AFF3: variants seen among roughly 807,000 people sequenced by gnomAD.
The protein encoded by AFF3 is ALF transcription elongation factor 3.
AFF3 carries 32 observed loss-of-function variants against 129.7 expected under a neutral mutation model. That is an observed-to-expected ratio of 0.25 (90% CI 0.19 to 0.33). The LOEUF (loss-of-function observed/expected upper bound fraction) is 0.33, where lower values mean the gene tolerates loss of function less well. Among genes scored for constraint, AFF3 ranks in the 10% least tolerant of loss-of-function variants. The pLI, the probability that AFF3 is intolerant of heterozygous loss-of-function variation, is 1.00. For synonymous variants in AFF3, 644 were observed against 635.4 expected, an observed-to-expected ratio of 1.01 and a Z score of -0.20; for missense variants, 1,373 against 1,592.0, an observed-to-expected ratio of 0.86 and a Z score of 2.34.
intron 18 of AFF3, among the ~76,000 whole-genome samples, chr2:99,578,103 A>C (rs1343920194): frequency 1.3e-5 from 2 of 152,150 alleles, no homozygotes; most frequent in Non-Finnish European, 2.9e-5. Context: ...CCCCATTAGC[A>C]CTGATTATTC....
intron 11 of AFF3, among the ~76,000 whole-genome samples, chr2:99,694,302 G>A (rs545591982): frequency 6.6e-6 from 1 of 152,282 alleles, no homozygotes; most frequent in East Asian, 1.9e-4. Context: ...TCTGACTGAA[G>A]GGAAGACCCA....
rs988693629 is a variant in AFF3 at position 99,547,347 on chromosome 2, T to C, written c.*4127A>G. ...TTTATAAATTCCAATTTCACATGGATTAAAAACTGCAGATAAATTAAGTCA... is the reference window on the plus strand; with the variant it reads ...TTTATAAATTCCAATTTCACATGGACTAAAAACTGCAGATAAATTAAGTCA... On this transcript the variant is annotated 3_prime_UTR_variant, in exon 25 of 25. Coordinates refer to ENST00000672756, the MANE Select transcript of AFF3 (RefSeq NM_001386135.1). The C allele has an allele frequency of 1.4e-5, 3 of 219,004 alleles. No homozygotes were observed. The highest frequency in any genetic ancestry group is 6.7e-5 in the African/African-American group (3 of 44,526). 13.6% of individuals were successfully genotyped at this position (219,004 alleles called of 1,614,324 possible).
chr2:100,020,830 T>C (rs1471035679), intron 4 of AFF3, among the ~76,000 whole-genome samples: 1 of 152,192 alleles, frequency 6.6e-6, no homozygotes, highest in African/African-American at 2.4e-5. Context: ...CCGGCTGCTC[T>C]TCCTACCCCA....
chr2:99,557,334 C>T (rs1675027822), intron 22 of AFF3, among the ~76,000 whole-genome samples: 1 of 145,990 alleles, frequency 6.8e-6, no homozygotes, highest in Non-Finnish European at 1.5e-5. Context: ...GGCTGGAGTG[C>T]AGTGGCGCCA....
chr2:99,648,938 C>CTCTCTCTCTCTCTTTCT (rs56856050), intron 13 of AFF3, among the ~76,000 whole-genome samples: 1 of 146,514 alleles, frequency 6.8e-6, no homozygotes, highest in Admixed American at 6.9e-5. Flanking sequence ...CTCTCTCTCT[C>CTCTCTCTCTCTCTTTCT]CAATCTTAGT....
At chr2:99,863,200 T>A (rs1691129922) in intron 7 of AFF3, among the ~76,000 whole-genome samples, 1 of 152,254 alleles carries the variant, frequency 6.6e-6, no homozygotes. Context: ...GATGTTTCTA[T>A]CATTTGCCAA....
intron 21 of AFF3, 87 bp downstream of exon 21, chr2:99,560,278 G>A (rs959850747): frequency 2.1e-6 from 3 of 1,414,278 alleles, no homozygotes; most frequent in African/African-American, 2.8e-5. Context: ...GAAGACATTG[G>A]GCAAACACTA....
chr2:99,737,365 CTT>C (rs1479238439), intron 10 of AFF3, among the ~76,000 whole-genome samples: 1 of 152,038 alleles, frequency 6.6e-6, no homozygotes, highest in African/African-American at 2.4e-5. Flanking sequence ...CAAAGTATGT[CTT>C]TTAAAATTTC....
chr2:99,887,715 C>T (rs894258359), intron 7 of AFF3, among the ~76,000 whole-genome samples: 7 of 152,188 alleles, frequency 4.6e-5, no homozygotes, highest in African/African-American at 1.4e-4. Flanking sequence ...TTAAACTACG[C>T]TAGTAGATAT....
Position 99,554,726 on chromosome 2 carries a change from A to T in AFF3, c.3292T>A (p.Ser1098Thr). The change falls in exon 23 of 25, where the codon TCT (serine) becomes ACT (threonine). Residue 1098 changes from serine (S) to threonine (T), a missense_variant. Physicochemically the swap from Ser to Thr is moderately conservative, Grantham distance 58. Coordinates refer to ENST00000672756, the MANE Select transcript of AFF3 (RefSeq NM_001386135.1). ...KALIDYFKNS[S>T]KAAQAPSPWG... ...GGAGATGGGGCTTGGGCGGCTTTAG[A>T]TGAGTTCTGCAAGAAAATAAAAACA... The T allele has an allele frequency of 6.2e-7, 1 of 1,614,192 alleles. No individual in the cohort carries two copies. The highest frequency in any genetic ancestry group is 8.5e-7 in the Non-Finnish European group (1 of 1,180,036).
At chr2:99,971,385 A>G (rs1287951491) in intron 7 of AFF3, among the ~76,000 whole-genome samples, 12 of 152,228 alleles carry the variant, frequency 7.9e-5, no homozygotes, top group Non-Finnish European at 4.4e-5. Context: ...CCCATTCCCT[A>G]AAATGATTAT....
At chr2:99,941,158 T>C (rs1675003659) in intron 7 of AFF3, among the ~76,000 whole-genome samples, 1 of 152,038 alleles carries the variant, frequency 6.6e-6, no homozygotes, top group Non-Finnish European at 1.5e-5. Context: ...GCCAAGAAGG[T>C]GGGTCTGACC....
intron 1 of AFF3, among the ~76,000 whole-genome samples, chr2:100,138,087 G>A (rs1692706336): frequency 6.6e-6 from 1 of 152,180 alleles, no homozygotes; most frequent in Non-Finnish European, 1.5e-5. Flanking sequence ...AGAGCTCACC[G>A]TGCAATGACT....
chr2:99,844,434 CTTTTTT>C (rs984233053), intron 7 of AFF3, among the ~76,000 whole-genome samples: 4 of 92,464 alleles, frequency 4.3e-5, no homozygotes, highest in Non-Finnish European at 5.9e-5. Context: ...TTTTTCTTTT[CTTTTTT>C]TTTTTTTTTT....
chr2:99,656,280 G>A (rs1685742040), intron 12 of AFF3, among the ~76,000 whole-genome samples: 1 of 152,148 alleles, frequency 6.6e-6, no homozygotes, highest in African/African-American at 2.4e-5. Context: ...AACTGGTTGG[G>A]ATATATCTTT....
chr2:100,138,711 A>C (rs746383024), intron 1 of AFF3, among the ~76,000 whole-genome samples: 15 of 152,126 alleles, frequency 9.9e-5, no homozygotes, highest in Non-Finnish European at 2.1e-4. Context: ...TGGGAGGCCA[A>C]CGGGGGGCGC....
At chr2:99,716,775 G>A (rs1165187175) in intron 11 of AFF3, among the ~76,000 whole-genome samples, 4 of 151,682 alleles carry the variant, frequency 2.6e-5, no homozygotes, top group Non-Finnish European at 5.9e-5. Flanking sequence ...CAGCTACTTT[G>A]GGGGGGCTGA....
At chr2:99,832,033 G>A (rs903104012) in intron 8 of AFF3, among the ~76,000 whole-genome samples, 29 of 152,178 alleles carry the variant, frequency 1.9e-4, no homozygotes, top group African/African-American at 4.6e-4. Context: ...ACGTACTTGC[G>A]TCAGTCCTCT....
At chr2:99,945,947 T>A (rs1282563450) in intron 7 of AFF3, among the ~76,000 whole-genome samples, 2 of 152,206 alleles carry the variant, frequency 1.3e-5, no homozygotes, top group Non-Finnish European at 2.9e-5. Flanking sequence ...AATATAGCTG[T>A]TGAATGATTA....
Sources: allele counts gnomAD v4.1 joint callset (sites outside exome capture counted in the v4.1 genomes callset), GRCh38; gene constraint gnomAD v4.1.1; transcripts MANE v1.5; gene names NCBI Gene and HGNC (gene_info 2026-07-23, HGNC 2026-07-21).